Variants in SLC24A3 observed in about 807,000 individuals in gnomAD.
The protein encoded by SLC24A3 is solute carrier family 24 member 3, also known as sodium/potassium/calcium exchanger 3.
SLC24A3 carries 28 observed loss-of-function variants against 75.8 expected under a neutral mutation model. The ratio of observed to expected loss-of-function variants is 0.37; its 90% confidence interval spans 0.27 to 0.51. SLC24A3 has a LOEUF of 0.51. Among genes scored for constraint, SLC24A3 ranks in the 20% least tolerant of loss-of-function variants. SLC24A3 has a pLI of 0.94. For synonymous variants in SLC24A3, 372 were observed against 334.1 expected (o/e 1.11, Z -1.24); for missense variants, 663 against 847.8 (o/e 0.78, Z 2.71).
chr20:19,630,838 C>T (rs536414072), intron 6 of SLC24A3, among the ~76,000 whole-genome samples: 22 of 152,304 alleles, frequency 1.4e-4, no homozygotes, highest in Admixed American at 5.2e-4. Flanking sequence ...AGGACCAGAA[C>T]AGCAAGGAGG....
At chr20:19,630,604 T>C (rs1455461192) in intron 6 of SLC24A3, among the ~76,000 whole-genome samples, 6 of 152,240 alleles carry the variant, frequency 3.9e-5, no homozygotes, top group African/African-American at 1.4e-4. Flanking sequence ...AATTATTCTT[T>C]AGCTAAAAGG....
At chr20:19,247,674 A>G (rs890745728) in intron 1 of SLC24A3, among the ~76,000 whole-genome samples, 1 of 152,214 alleles carries the variant, frequency 6.6e-6, no homozygotes, top group African/African-American at 2.4e-5. Context: ...CTTCGTACAA[A>G]AGAATGTGAC....
At chr20:19,282,410 A>C (rs1169761396) in intron 2 of SLC24A3, among the ~76,000 whole-genome samples, 1 of 152,256 alleles carries the variant, frequency 6.6e-6, no homozygotes. Flanking sequence ...AGCATTTTTC[A>C]CTTGAAAGTG....
chr20:19,250,175 T>C (rs577187905), intron 1 of SLC24A3, among the ~76,000 whole-genome samples: 1 of 152,370 alleles, frequency 6.6e-6, no homozygotes, highest in Non-Finnish European at 1.5e-5. Flanking sequence ...GTGCCTTAAA[T>C]TGCTGTCATT....
chr20:19,296,703 CA>C (rs751222680), intron 2 of SLC24A3, among the ~76,000 whole-genome samples: 21 of 152,164 alleles, frequency 1.4e-4, no homozygotes, highest in Admixed American at 2.6e-4. Flanking sequence ...AGAAAATTAA[CA>C]AGGATATTCA....
intron 2 of SLC24A3, among the ~76,000 whole-genome samples, chr20:19,407,571 G>A (rs1986671051): frequency 6.6e-6 from 1 of 152,196 alleles, no homozygotes; most frequent in African/African-American, 2.4e-5. Context: ...GAGAATAAAT[G>A]AATCACGGAA....
At chr20:19,652,346 C>T (rs529436599) in intron 6 of SLC24A3, among the ~76,000 whole-genome samples, 1 of 152,172 alleles carries the variant, frequency 6.6e-6, no homozygotes, top group South Asian at 2.1e-4. Flanking sequence ...CGTTTTAAGC[C>T]CATTTGTCTG....
chr20:19,296,683 C>A (rs558530367), intron 2 of SLC24A3, among the ~76,000 whole-genome samples: 5 of 152,066 alleles, frequency 3.3e-5, no homozygotes, highest in Non-Finnish European at 7.4e-5. Context: ...CAATATTAGG[C>A]CATTGAGACA....
At chr20:19,662,937 C>T (rs181707563) in intron 7 of SLC24A3, among the ~76,000 whole-genome samples, 39 of 152,272 alleles carry the variant, frequency 2.6e-4, no homozygotes, top group South Asian at 1.9e-3. Context: ...CTGCAAACAG[C>T]GCCAGTCCTA....
intron 2 of SLC24A3, among the ~76,000 whole-genome samples, chr20:19,349,025 T>C (rs1276874115): frequency 6.6e-6 from 1 of 152,190 alleles, no homozygotes; most frequent in East Asian, 1.9e-4. Flanking sequence ...CTGGAGTGCT[T>C]GTTCCTTTAG....
chr20:19,250,111 C>G (rs1982607716), intron 1 of SLC24A3, among the ~76,000 whole-genome samples: 1 of 152,218 alleles, frequency 6.6e-6, no homozygotes, highest in South Asian at 2.1e-4. Context: ...TGTGCAGTGT[C>G]CACGCTGTGC....
At chr20:19,468,086 G>C (rs1987799440) in intron 2 of SLC24A3, among the ~76,000 whole-genome samples, 1 of 152,112 alleles carries the variant, frequency 6.6e-6, no homozygotes, top group Non-Finnish European at 1.5e-5. Flanking sequence ...CAGTCTTAGA[G>C]GGAAGTTTTA....
chr20:19,295,860 T>C (rs1984046890), intron 2 of SLC24A3, among the ~76,000 whole-genome samples: 1 of 152,288 alleles, frequency 6.6e-6, no homozygotes, highest in South Asian at 2.1e-4. Context: ...ATCAAGATGA[T>C]GCTGGCCTCA....
chr20:19,716,691 G>A lies in SLC24A3; in HGVS notation c.1720-837G>A, dbSNP rs1039183942. On this transcript the variant is annotated intron_variant, in intron 15 of 16. Coordinates refer to ENST00000328041, the MANE Select transcript of SLC24A3 (RefSeq NM_020689.4). Reference sequence around the variant, plus strand: ...GCTTCCAGGAGTTCAAGACCAGCCCGGGCAACGTAGTGAGACCTAGTCTCT... The same window carrying A: ...GCTTCCAGGAGTTCAAGACCAGCCCAGGCAACGTAGTGAGACCTAGTCTCT... Among the ~76,000 whole-genome samples the A allele has an allele frequency of 9.9e-5, 15 of 152,074 alleles. 1 individual carries two copies. Among genetic ancestry groups the A allele is most frequent in the South Asian group, 8.3e-4 (4 of 4,804 alleles).
At chr20:19,311,587 G>T (rs1336628319) in intron 2 of SLC24A3, among the ~76,000 whole-genome samples, 1 of 152,064 alleles carries the variant, frequency 6.6e-6, no homozygotes, top group African/African-American at 2.4e-5. Context: ...CATCCTGGGA[G>T]GTGTGGGGTA....
chr20:19,382,020 G>A (rs1043912010), intron 2 of SLC24A3, among the ~76,000 whole-genome samples: 1 of 152,188 alleles, frequency 6.6e-6, no homozygotes, highest in African/African-American at 2.4e-5. Context: ...CTCTGAATTC[G>A]ACAGATGATG....
At chr20:19,498,052 C>A (rs6035357) in intron 2 of SLC24A3, among the ~76,000 whole-genome samples, 2 of 151,838 alleles carry the variant, frequency 1.3e-5, no homozygotes, top group Non-Finnish European at 2.9e-5. Flanking sequence ...ATTAGATTCT[C>A]GTAGGAGCAT....
chr20:19,264,117 C>T (rs1030837728), intron 1 of SLC24A3: 16 of 150,060 alleles, frequency 1.1e-4, no homozygotes, highest in African/African-American at 3.9e-4. Flanking sequence ...AGCTAATTTC[C>T]ACCACTACAC....
At chr20:19,671,638 T>A (rs79722537) in intron 8 of SLC24A3, among the ~76,000 whole-genome samples, 3 of 144,002 alleles carry the variant, frequency 2.1e-5, no homozygotes, top group African/African-American at 7.9e-5. Flanking sequence ...CAGGGTTGGT[T>A]TTTTTTTTGT....
Sources: gnomAD v4.1 joint callset for allele counts (sites outside exome capture counted in the v4.1 genomes callset) on GRCh38, gnomAD v4.1.1 for gene constraint, MANE v1.5 for transcripts, NCBI Gene and HGNC (gene_info 2026-07-23, HGNC 2026-07-21) for gene names.